CRCT1: variants seen among roughly 807,000 people sequenced by gnomAD.
The protein encoded by CRCT1 is cysteine rich C-terminal 1.
For synonymous variants in CRCT1, 86 were observed against 60.3 expected, an observed-to-expected ratio of 1.43 and a Z score of -1.98; for missense variants, 160 against 136.3, an observed-to-expected ratio of 1.17 and a Z score of -0.87.
At position 152,515,517 on chromosome 1, in the gene CRCT1, G is replaced by C; in HGVS notation, c.134G>C (p.Gly45Ala). The C allele has an allele frequency of 5.0e-6, 8 of 1,597,080 alleles. No homozygotes were observed. Among genetic ancestry groups the C allele is most frequent in the Non-Finnish European group, 6.8e-6 (8 of 1,176,672 alleles). The stretch of plus-strand genomic sequence containing the variant: ...TCCTCCTGCTGCGGCTCCGGCAGGG[G>C]CTGCTGCGGCGACTCAGGCTGCTGC... Reference protein sequence around the residue: ...SSSSCCGSGRGCCGDSGCCGS... With the variant: ...SSSSCCGSGRACCGDSGCCGS... The change falls in exon 2 of 2, where the codon GGC (glycine) becomes GCC (alanine). Residue 45 changes from glycine to alanine, a missense_variant. Transcript: ENST00000368790.
rs771592359 is a variant in CRCT1, at chr1:152,515,855, C to T, written c.*172C>T. On this transcript the variant is annotated 3_prime_UTR_variant, in exon 2 of 2. Transcript: ENST00000368790. The stretch of plus-strand genomic sequence containing the variant: ...TCAGCCACGCAAAACTCCCTGACCC[C>T]GATGTGATTTTTCTCCCCGGGGATT... 9 of 1,140,878 alleles carry T rather than the reference C, an allele frequency of 7.9e-6. No individual in the cohort carries two copies. Among genetic ancestry groups the T allele is most frequent in the African/African-American group, 1.6e-5 (1 of 60,926 alleles). The allele number at this position is 1,140,878 out of a possible 1,614,324, so 70.7% of individuals were successfully genotyped here. A position where few individuals can be genotyped will look rare whatever the true frequency, so the allele number is the denominator to read the frequency against.
Position 152,515,416 on chromosome 1 carries a change from AG to A in CRCT1, c.35del (p.Gly12AlafsTer130). The A allele has an allele frequency of 6.4e-7, 1 of 1,569,748 alleles. No homozygotes were observed. The highest frequency in any genetic ancestry group is 1.4e-5 in the African/African-American group (1 of 73,006). ...SSQQSAVSAK[G>X]FSKGSSQGPA... ...CTCAACAGAGCGCCGTTTCCGCCAA[AG>A]GCTTTTCCAAGGGGTCGTCCCAGGG... On this transcript the variant is annotated frameshift_variant, in exon 2 of 2. Transcript: ENST00000368790. LOFTEE classifies it low-confidence loss of function (END_TRUNC).
intron 1 of CRCT1, among the ~76,000 whole-genome samples, chr1:152,514,803 G>C (rs1329138712): frequency 6.6e-6 from 1 of 152,158 alleles, no homozygotes. Flanking sequence ...TCCCTGGATG[G>C]GGTTATTTAT....
In CRCT1 at chr1:152,515,451, C is replaced by G. The variant is rs143986265; in HGVS notation, c.68C>G (p.Pro23Arg). 1.2e-6 allele frequency: 2 copies of G among 1,602,724 alleles called. No individual in the cohort carries two copies. Among genetic ancestry groups the G allele is most frequent in the African/African-American group, 1.3e-5 (1 of 74,580 alleles). ...FSKGSSQGPA[P>R]CPAPAPTPAP... ...AAGGGGTCGTCCCAGGGCCCCGCTC[C>G]GTGTCCCGCCCCGGCGCCCACCCCG... The change falls in exon 2 of 2, where the codon CCG (proline) becomes CGG (arginine). Residue 23 changes from proline to arginine, a missense_variant. Physicochemically the swap from Pro to Arg is moderately radical, Grantham distance 103. Coordinates refer to ENST00000368790, the MANE Select transcript of CRCT1 (RefSeq NM_019060.3).
In CRCT1 at chr1:152,515,655, G is replaced by C. The variant is rs1392180214; in HGVS notation, c.272G>C (p.Arg91Pro). 3.2e-6 allele frequency: 5 copies of C among 1,562,584 alleles called. No homozygotes were observed. Among genetic ancestry groups the C allele is most frequent in the African/African-American group, 1.4e-5 (1 of 73,632 alleles). Residue 91 changes from arginine (R) to proline (P), a missense_variant, in exon 2 of 2, where the codon CGG becomes CCG. Transcript: ENST00000368790. ...CAGAGGTCCCAGCGCTCCAACAACC[G>C]GAGCTCAGGATGCTGCTCCGGCTGC... Reference protein sequence around the residue: ...GSQRSQRSNNRSSGCCSGC With the variant: ...GSQRSQRSNNPSSGCCSGC
Position 152,515,379 on chromosome 1 carries a change from C to A in CRCT1, c.-5C>A, listed in dbSNP as rs201018547. 50 of 1,510,340 alleles carry A rather than the reference C, an allele frequency of 3.3e-5. No homozygotes were observed. In the East Asian group the frequency reaches 4.0e-4, roughly 12 times the overall value. 93.6% of individuals were successfully genotyped at this position (1,510,340 alleles called of 1,614,324 possible). Reference sequence around the variant, plus strand: ...TCTTCCAGGTTTGTCGTGAGGAGCTCCGCGATGTCCTCTCAACAGAGCGCC... The same window carrying A: ...TCTTCCAGGTTTGTCGTGAGGAGCTACGCGATGTCCTCTCAACAGAGCGCC... On this transcript the variant is annotated 5_prime_UTR_variant, in exon 2 of 2. Coordinates refer to ENST00000368790, the MANE Select transcript of CRCT1 (RefSeq NM_019060.3).
At chr1:152,515,101 C>T (rs1309185461) in intron 1 of CRCT1, among the ~76,000 whole-genome samples, 1 of 152,182 alleles carries the variant, frequency 6.6e-6, no homozygotes, top group African/African-American at 2.4e-5. Flanking sequence ...CTGTGGAGAA[C>T]TTGAGCAGTC....
rs1410656573 is a variant in CRCT1, at chr1:152,515,478, C to G, written c.95C>G (p.Ala32Gly). 2 of 1,600,750 alleles carry G rather than the reference C, an allele frequency of 1.2e-6. No homozygotes were observed. Among genetic ancestry groups the G allele is most frequent in the African/African-American group, 2.7e-5 (2 of 74,596 alleles). Residue 32 changes from alanine (A) to glycine (G), a missense_variant, in exon 2 of 2, where the codon GCG becomes GGG. Coordinates refer to ENST00000368790, the MANE Select transcript of CRCT1 (RefSeq NM_019060.3). ...TGTCCCGCCCCGGCGCCCACCCCGG[C>G]GCCCGCCTCCTCCTCCTCCTGCTGC... ...APCPAPAPTPAPASSSSCCGS... is the reference protein window; with the variant it reads ...APCPAPAPTPGPASSSSCCGS...
Position 152,515,824 on chromosome 1 carries a change from T to C in CRCT1, c.*141T>C. 1 of 1,352,804 alleles carries C rather than the reference T, an allele frequency of 7.4e-7. No individual in the cohort carries two copies. The highest frequency in any genetic ancestry group is 9.7e-7 in the Non-Finnish European group (1 of 1,032,620). The allele number at this position is 1,352,804 out of a possible 1,614,324, so 83.8% of individuals were successfully genotyped here. ...GCACTTTGATGTTCAGAAACCCACT[T>C]TGTTCTCAGCCACGCAAAACTCCCT... On this transcript the variant is annotated 3_prime_UTR_variant, in exon 2 of 2. Coordinates refer to ENST00000368790, the MANE Select transcript of CRCT1 (RefSeq NM_019060.3).
intron 1 of CRCT1, among the ~76,000 whole-genome samples, chr1:152,515,142 T>G (rs1031422995): frequency 6.6e-6 from 1 of 152,138 alleles, no homozygotes; most frequent in African/African-American, 2.4e-5. Flanking sequence ...GGAAATGCAT[T>G]GATTCATTGC....
At position 152,515,475 on chromosome 1, in the gene CRCT1, C is replaced by T. The variant is rs747762170; in HGVS notation, c.92C>T (p.Pro31Leu). The change falls in exon 2 of 2, where the codon CCG (proline) becomes CTG (leucine). Residue 31 changes from proline to leucine, a missense_variant. Coordinates refer to ENST00000368790, the MANE Select transcript of CRCT1 (RefSeq NM_019060.3). ...PAPCPAPAPT[P>L]APASSSSCCG... Reference sequence around the variant, plus strand: ...CCGTGTCCCGCCCCGGCGCCCACCCCGGCGCCCGCCTCCTCCTCCTCCTGC... The same window carrying T: ...CCGTGTCCCGCCCCGGCGCCCACCCTGGCGCCCGCCTCCTCCTCCTCCTGC... 3.7e-6 allele frequency: 6 copies of T among 1,600,780 alleles called. No individual in the cohort carries two copies. In the African/African-American group the frequency reaches 5.4e-5, roughly 14 times the overall value.
chr1:152,515,604 G>A lies in CRCT1; in HGVS notation c.221G>A (p.Gly74Asp). Residue 74 changes from glycine to aspartate, a missense_variant, in exon 2 of 2, where the codon GGT becomes GAT. Transcript: ENST00000368790. ...AGACGCCGCCGACAGCGGAGTAGTG[G>A]TTGCTGCTGCTGCGGGGGCGGCAGC... The part of the protein sequence containing the change: ...PRRRRRQRSS[G>D]CCCCGGGSQR... 1.3e-6 allele frequency: 2 copies of A among 1,591,034 alleles called. No homozygotes were observed. The highest frequency in any genetic ancestry group is 1.7e-6 in the Non-Finnish European group (2 of 1,173,442).
chr1:152,515,246 TC>T, intron 1 of CRCT1, 115 bp from the exon 2 acceptor site: 1 of 859,968 alleles, frequency 1.2e-6, no homozygotes, highest in South Asian at 2.2e-5. Flanking sequence ...TGCTTTTCCC[TC>T]CTTGTCCCAG....
Position 152,515,692 on chromosome 1 carries a change from C to T in CRCT1, c.*9C>T. ...GCTGCTCCGGCTGCTGAGAGGCCCG[C>T]AACCCCCAGCGCTGCGCTAGAGAAA... On this transcript the variant is annotated 3_prime_UTR_variant, in exon 2 of 2. Transcript: ENST00000368790. 1.3e-6 allele frequency: 2 copies of T among 1,494,256 alleles called. No individual in the cohort carries two copies. Among genetic ancestry groups the T allele is most frequent in the Non-Finnish European group, 1.8e-6 (2 of 1,119,472 alleles). 92.6% of individuals were successfully genotyped at this position (1,494,256 alleles called of 1,614,324 possible).
chr1:152,515,648 A>G lies in CRCT1; in HGVS notation c.265A>G (p.Asn89Asp). 1 of 1,570,606 alleles carries G rather than the reference A, an allele frequency of 6.4e-7. No individual in the cohort carries two copies. Among genetic ancestry groups the G allele is most frequent in the Non-Finnish European group, 8.6e-7 (1 of 1,160,432 alleles). The part of the protein sequence containing the change: ...GGGSQRSQRS[N>D]NRSSGCCSGC ...CGGCAGCCAGAGGTCCCAGCGCTCCAACAACCGGAGCTCAGGATGCTGCTC... is the reference window on the plus strand; with the variant it reads ...CGGCAGCCAGAGGTCCCAGCGCTCCGACAACCGGAGCTCAGGATGCTGCTC... The change falls in exon 2 of 2, where the codon AAC (asparagine) becomes GAC (aspartate). Residue 89 changes from asparagine (N) to aspartate (D), a missense_variant. Transcript: ENST00000368790.
rs1210091293 is a variant in CRCT1 at position 152,515,645 on chromosome 1, T to A, written c.262T>A (p.Ser88Thr). 1 of 1,572,294 alleles carries A rather than the reference T, an allele frequency of 6.4e-7. No individual in the cohort carries two copies. The highest frequency in any genetic ancestry group is 1.4e-5 in the African/African-American group (1 of 73,756). ...CGGGSQRSQR[S>T]NNRSSGCCSG... Reference sequence around the variant, plus strand: ...GGGCGGCAGCCAGAGGTCCCAGCGCTCCAACAACCGGAGCTCAGGATGCTG... The same window carrying A: ...GGGCGGCAGCCAGAGGTCCCAGCGCACCAACAACCGGAGCTCAGGATGCTG... The change falls in exon 2 of 2, where the codon TCC becomes ACC. Residue 88 changes from serine to threonine, a missense_variant. By Grantham distance (58) the Ser-to-Thr change is moderately conservative (BLOSUM62 1). Coordinates refer to ENST00000368790, the MANE Select transcript of CRCT1 (RefSeq NM_019060.3).
intron 1 of CRCT1, among the ~76,000 whole-genome samples, chr1:152,514,968 G>T (rs1196502390): frequency 6.6e-6 from 1 of 152,098 alleles, no homozygotes; most frequent in African/African-American, 2.4e-5. Context: ...TGGGGGTGTA[G>T]TAACTAGGAA....
At position 152,515,276 on chromosome 1, in the gene CRCT1, C is replaced by G. The variant is rs181842458; in HGVS notation, c.-22-86C>G. On this transcript the variant is annotated intron_variant, in intron 1 of 1. Transcript: ENST00000368790. ...GTCCCAGGCCAGGCTGACTTGTACA[C>G]TAAGCCGAATCTCAAAAGCCCAGAC... The G allele has an allele frequency of 4.1e-4, 495 of 1,216,420 alleles. 6 individuals carry two copies. In the East Asian group the frequency reaches 0.012, roughly 30 times the overall value. 75.4% of individuals were successfully genotyped at this position (1,216,420 alleles called of 1,614,324 possible). A position where few individuals can be genotyped will look rare whatever the true frequency, so the allele number is the denominator to read the frequency against.
Position 152,515,443 on chromosome 1 carries a change from C to A in CRCT1, c.60C>A (p.Gly20=). 6.2e-7 allele frequency: 1 copy of A among 1,601,168 alleles called. No individual in the cohort carries two copies. Among genetic ancestry groups the A allele is most frequent in the South Asian group, 1.1e-5 (1 of 89,394 alleles). The stretch of plus-strand genomic sequence containing the variant: ...GCTTTTCCAAGGGGTCGTCCCAGGG[C>A]CCCGCTCCGTGTCCCGCCCCGGCGC... The part of the protein sequence containing the change: ...AKGFSKGSSQ[G]PAPCPAPAPT... The change falls in exon 2 of 2, where the codon GGC becomes GGA. Residue 20 remains glycine, a synonymous_variant. Transcript: ENST00000368790.
Sources: gnomAD v4.1 joint callset for allele counts (sites outside exome capture counted in the v4.1 genomes callset) on GRCh38, gnomAD v4.1.1 for gene constraint, MANE v1.5 for transcripts, NCBI Gene and HGNC (gene_info 2026-07-23, HGNC 2026-07-21) for gene names.